Variants in DENND5B observed in about 807,000 individuals in gnomAD.
DENND5B encodes the protein DENN domain-containing protein 5B.
Under a neutral mutation model 140.6 loss-of-function variants are expected in DENND5B, and 34 were observed. The observed-to-expected ratio is 0.24, with a 90% CI of 0.18 to 0.32. The LOEUF (loss-of-function observed/expected upper bound fraction) is 0.32. DENND5B is among the 10% of genes least tolerant of loss of function. DENND5B has a pLI of 1.00. For missense variants in DENND5B, 1,142 were observed against 1,560.2 expected (o/e 0.73, Z 4.52); for synonymous variants, 551 against 562.1 (o/e 0.98, Z 0.28).
At chr12:31,483,728 G>A (rs990177975) in intron 2 of DENND5B, among the ~76,000 whole-genome samples, 1 of 151,634 alleles carries the variant, frequency 6.6e-6, no homozygotes, top group Non-Finnish European at 1.5e-5. Context: ...TTGAGCCACT[G>A]AGCCTGGACC....
At chr12:31,492,852 A>G (rs1181008584) in intron 2 of DENND5B, among the ~76,000 whole-genome samples, 9 of 152,248 alleles carry the variant, frequency 5.9e-5, no homozygotes, top group Non-Finnish European at 1.3e-4. Flanking sequence ...AGTCTTCACC[A>G]AAGATGACGC....
chr12:31,549,732 T>G (rs1158798743), intron 1 of DENND5B, among the ~76,000 whole-genome samples: 2 of 152,164 alleles, frequency 1.3e-5, no homozygotes, highest in Non-Finnish European at 2.9e-5. Flanking sequence ...CAGTGTGTGT[T>G]GTTCCCCTCC....
chr12:31,549,569 C>A (rs547730651), intron 1 of DENND5B, among the ~76,000 whole-genome samples: 1 of 151,316 alleles, frequency 6.6e-6, no homozygotes, highest in African/African-American at 2.4e-5. Flanking sequence ...TTCCAGGGTA[C>A]AGGTGCAGGA....
intron 14 of DENND5B, among the ~76,000 whole-genome samples, chr12:31,407,393 C>T (rs527527348): frequency 3.9e-5 from 6 of 152,186 alleles, no homozygotes; most frequent in African/African-American, 1.2e-4. Flanking sequence ...CCTCCCAAAG[C>T]GCTGGGATTA....
chr12:31,488,974 G>A (rs867177759), intron 2 of DENND5B, among the ~76,000 whole-genome samples: 12 of 152,258 alleles, frequency 7.9e-5, no homozygotes, highest in East Asian at 1.9e-4. Context: ...GTCAGCAAAT[G>A]TTCTTATATT....
At chr12:31,485,496 G>T (rs1381392103) in intron 2 of DENND5B, among the ~76,000 whole-genome samples, 3 of 152,238 alleles carry the variant, frequency 2.0e-5, no homozygotes, top group African/African-American at 7.2e-5. Flanking sequence ...GGATGTGCTT[G>T]AGCCTAGTTA....
At chr12:31,448,992 T>C (rs1360312282) in intron 5 of DENND5B, among the ~76,000 whole-genome samples, 3 of 152,246 alleles carry the variant, frequency 2.0e-5, no homozygotes, top group Non-Finnish European at 4.4e-5. Flanking sequence ...AATCAGTTCC[T>C]AATTAAAAGT....
intron 3 of DENND5B, among the ~76,000 whole-genome samples, chr12:31,463,564 C>T (rs1044744929): frequency 1.3e-5 from 2 of 152,120 alleles, no homozygotes; most frequent in Non-Finnish European, 2.9e-5. Context: ...AAAAGACATG[C>T]TTAGATTTTA....
chr12:31,591,056 G>T lies in DENND5B; in HGVS notation c.-224C>A, dbSNP rs567663004. The stretch of plus-strand genomic sequence containing the variant: ...GGCGGGTCCGGAGCCCGGCCGGGTG[G>T]GGGAGGGGCGCGGGGGGAGTGTCGG... On this transcript the variant is annotated 5_prime_UTR_variant, in exon 1 of 21. Coordinates refer to ENST00000389082, the MANE Select transcript of DENND5B (RefSeq NM_144973.4). The T allele has an allele frequency of 3.1e-5, 7 of 223,152 alleles. No individual in the cohort carries two copies. Among genetic ancestry groups the T allele is most frequent in the South Asian group, 1.6e-4 (1 of 6,170 alleles). 13.8% of individuals were successfully genotyped at this position (223,152 alleles called of 1,614,324 possible). A position where few individuals can be genotyped will look rare whatever the true frequency, so the allele number is the denominator to read the frequency against.
intron 1 of DENND5B, among the ~76,000 whole-genome samples, chr12:31,588,456 A>G (rs914014918): frequency 1.3e-5 from 2 of 152,232 alleles, no homozygotes; most frequent in Non-Finnish European, 2.9e-5. Context: ...TTGAAAATGT[A>G]GTTAGGCCTA....
At chr12:31,541,086 AC>A in intron 1 of DENND5B, 1 of 437,382 alleles carries the variant, frequency 2.3e-6, no homozygotes, top group Non-Finnish European at 4.5e-6. Context: ...TAAATTTAAG[AC>A]CTCAAACTAT....
At chr12:31,537,146 C>T (rs557396535) in intron 1 of DENND5B, among the ~76,000 whole-genome samples, 1 of 152,226 alleles carries the variant, frequency 6.6e-6, no homozygotes, top group African/African-American at 2.4e-5. Context: ...GTACAAAACT[C>T]ACTGGTAACA....
At chr12:31,587,044 A>G (rs1950421040) in intron 1 of DENND5B, among the ~76,000 whole-genome samples, 1 of 152,060 alleles carries the variant, frequency 6.6e-6, no homozygotes, top group Admixed American at 6.6e-5. Flanking sequence ...ACACTCCTTA[A>G]TCTCCTCGGT....
intron 9 of DENND5B, 68 bp from the exon 10 acceptor site, chr12:31,424,755 A>T (rs956188097): frequency 3.2e-6 from 5 of 1,556,742 alleles, no homozygotes; most frequent in South Asian, 1.2e-5. Flanking sequence ...GTCAATTACT[A>T]AAGTAGGAGA....
intron 4 of DENND5B, among the ~76,000 whole-genome samples, chr12:31,459,648 A>G (rs1423889143): frequency 1.3e-5 from 2 of 152,182 alleles, no homozygotes; most frequent in Non-Finnish European, 2.9e-5. Context: ...TTAAGGTGGC[A>G]TAAAAACTAG....
intron 15 of DENND5B, among the ~76,000 whole-genome samples, chr12:31,402,294 TA>T (rs1941846697): frequency 6.6e-6 from 1 of 152,044 alleles, no homozygotes; most frequent in Non-Finnish European, 1.5e-5. Flanking sequence ...AAGTGAAAAA[TA>T]GAGCTTAACA....
At chr12:31,470,874 C>T (rs950047707) in intron 3 of DENND5B, among the ~76,000 whole-genome samples, 1 of 152,122 alleles carries the variant, frequency 6.6e-6, no homozygotes, top group African/African-American at 2.4e-5. Context: ...GAATTAGGAA[C>T]CTTTAATTCC....
rs1943242692 is a variant in DENND5B at position 31,426,508 on chromosome 12, CAAATG to C, written c.2107-89_2107-85del. ...AACCTTATACAAACAAGTGCAGAGA[CAAATG>C]AAATGCAAAAAAGTCCGTAAGTGTA... On this transcript the variant is annotated intron_variant, in intron 8 of 20. Transcript: ENST00000389082. 22 of 1,457,454 alleles carry C rather than the reference CAAATG, an allele frequency of 1.5e-5. No homozygotes were observed. The South Asian group carries it at 2.5e-4, about 17-fold the overall frequency. 90.3% of individuals were successfully genotyped at this position (1,457,454 alleles called of 1,614,324 possible).
chr12:31,551,086 T>G (rs1949045027), intron 1 of DENND5B, among the ~76,000 whole-genome samples: 1 of 152,158 alleles, frequency 6.6e-6, no homozygotes, highest in South Asian at 2.1e-4. Flanking sequence ...ATTTGTCAAT[T>G]TTGGCTTTTG....
Sources: gnomAD v4.1 joint callset for allele counts (sites outside exome capture counted in the v4.1 genomes callset) on GRCh38, gnomAD v4.1.1 for gene constraint, MANE v1.5 for transcripts, NCBI Gene and HGNC (gene_info 2026-07-23, HGNC 2026-07-21) for gene names.